The following SGCD variants were observed in gnomAD, a reference collection of about 807,000 sequenced individuals.
SGCD encodes the protein sarcoglycan delta.
SGCD carries 18 observed loss-of-function variants against 36.6 expected under a neutral mutation model. That is an observed-to-expected ratio of 0.49 (90% confidence interval 0.34 to 0.73). The LOEUF is 0.73. SGCD is among the 30% of genes least tolerant of loss of function. The probability of loss-of-function intolerance (pLI) is 0.01; values close to 1 mark genes in which losing one functional copy is unlikely to be tolerated. For missense variants in SGCD, 387 were observed against 346.7 expected, an observed-to-expected ratio of 1.12 and a Z score of -0.92; for synonymous variants, 133 against 130.6, an observed-to-expected ratio of 1.02 and a Z score of -0.12.
chr5:155,970,546 C>T (rs1757987873), intron 1 of SGCD, among the ~76,000 whole-genome samples: 1 of 151,936 alleles, frequency 6.6e-6, no homozygotes, highest in African/African-American at 2.4e-5. Flanking sequence ...TAAATAATTG[C>T]CATTATATTT....
At position 156,767,471 on chromosome 5, in the gene SGCD, G is replaced by T. The variant is rs1757613368; in HGVS notation, c.*8081G>T. The T allele has an allele frequency of 7.5e-6, 1 of 133,540 alleles. No individual in the cohort carries two copies. The highest frequency in any genetic ancestry group is 8.2e-5 in the Admixed American group (1 of 12,228). The allele number at this position is 133,540 out of a possible 1,614,324, so 8.3% of individuals were successfully genotyped here. On this transcript the variant is annotated 3_prime_UTR_variant, in exon 9 of 9. Transcript: ENST00000337851. ...TGGTGAGGTCATGGAAGTCCCATTT[G>T]CTTGGAGATTTTGAAAAAAAAAAAA...
chr5:156,458,269 A>G, intron 3 of SGCD: 2 of 657,064 alleles, frequency 3.0e-6, no homozygotes, highest in Non-Finnish European at 5.4e-6. Flanking sequence ...CATTTCAGTT[A>G]AATATTAGTC....
the SGCD span, among the ~76,000 whole-genome samples, chr5:155,750,853 C>T: frequency 6.6e-6 from 1 of 152,010 alleles, no homozygotes; most frequent in Admixed American, 6.6e-5. Context: ...TCATAACAGC[C>T]CTTACCCCCA....
At chr5:156,266,263 A>G (rs768340784) in intron 3 of SGCD, among the ~76,000 whole-genome samples, 9 of 152,222 alleles carry the variant, frequency 5.9e-5, no homozygotes, top group Admixed American at 1.3e-4. Context: ...GTTTTTCTTA[A>G]AAAAATCATT....
chr5:156,462,909 C>T (rs1354538282), intron 3 of SGCD, among the ~76,000 whole-genome samples: 1 of 152,100 alleles, frequency 6.6e-6, no homozygotes, highest in Non-Finnish European at 1.5e-5. Flanking sequence ...TGAACTTATG[C>T]AGACTTATGA....
Position 156,746,805 on chromosome 5 carries a change from A to C in SGCD, c.576-10776A>C, listed in dbSNP as rs947634043. On this transcript the variant is annotated intron_variant, in intron 7 of 8. Coordinates refer to ENST00000337851, the MANE Select transcript of SGCD (RefSeq NM_000337.6). Reference sequence around the variant, plus strand: ...ATATCTTTGTGACCTTGGGGTAGTCAATGGTTTATTAGACAAGGCACAAAA... The same window carrying C: ...ATATCTTTGTGACCTTGGGGTAGTCCATGGTTTATTAGACAAGGCACAAAA... Among the ~76,000 whole-genome samples the C allele has an allele frequency of 2.0e-5, 3 of 152,198 alleles. No individual in the cohort carries two copies. The South Asian group carries it at 6.2e-4, about 31-fold the overall frequency.
chr5:156,092,583 G>T (rs79047292), intron 1 of SGCD, among the ~76,000 whole-genome samples: 2,271 of 152,200 alleles, frequency 0.015, 42 homozygotes, highest in African/African-American at 0.046. Context: ...TGGTCTCTAA[G>T]GTTCTGTCTA....
At chr5:156,250,502 T>C (rs1185466723) in intron 3 of SGCD, among the ~76,000 whole-genome samples, 2 of 152,174 alleles carry the variant, frequency 1.3e-5, no homozygotes, top group African/African-American at 4.8e-5. Flanking sequence ...GTCCAGCTCC[T>C]GCCCTACCAC....
chr5:156,149,666 C>T (rs1232672322), intron 3 of SGCD, among the ~76,000 whole-genome samples: 2 of 151,718 alleles, frequency 1.3e-5, no homozygotes, highest in Non-Finnish European at 2.9e-5. Flanking sequence ...TAAGGGCTAG[C>T]TAGTGAAGGG....
At chr5:156,491,539 T>C (rs1252037610) in intron 3 of SGCD, among the ~76,000 whole-genome samples, 2 of 152,112 alleles carry the variant, frequency 1.3e-5, no homozygotes, top group Non-Finnish European at 2.9e-5. Flanking sequence ...GATCAGCGTA[T>C]TTGCAGCCAA....
chr5:156,482,827 T>G (rs1489332898), intron 3 of SGCD, among the ~76,000 whole-genome samples: 1 of 144,790 alleles, frequency 6.9e-6, no homozygotes, highest in African/African-American at 2.5e-5. Context: ...TTTTTTTTTT[T>G]TTTTTTTTTT....
chr5:156,732,516 A>AT (rs1438921537), intron 7 of SGCD, among the ~76,000 whole-genome samples: 6 of 152,010 alleles, frequency 3.9e-5, no homozygotes, highest in Non-Finnish European at 8.8e-5. Context: ...TTTATTGAGG[A>AT]TTTTTGCATC....
At chr5:156,211,777 A>G (rs1190101040) in intron 3 of SGCD, among the ~76,000 whole-genome samples, 1 of 152,152 alleles carries the variant, frequency 6.6e-6, no homozygotes, top group Non-Finnish European at 1.5e-5. Flanking sequence ...AAAAATTAGA[A>G]GACAAAATTA....
chr5:156,386,818 C>T (rs145557944), intron 3 of SGCD, among the ~76,000 whole-genome samples: 56 of 152,328 alleles, frequency 3.7e-4, no homozygotes, highest in South Asian at 3.5e-3. Context: ...TCAGCCCAAA[C>T]CATCTCAAGC....
At chr5:156,687,221 A>G (rs1242016201) in intron 7 of SGCD, among the ~76,000 whole-genome samples, 2 of 152,228 alleles carry the variant, frequency 1.3e-5, no homozygotes, top group Non-Finnish European at 2.9e-5. Flanking sequence ...ACCAAGCCAC[A>G]CAACAGTAGC....
At chr5:156,619,161 G>C (rs1762141535) in intron 6 of SGCD, among the ~76,000 whole-genome samples, 1 of 152,020 alleles carries the variant, frequency 6.6e-6, no homozygotes, top group Non-Finnish European at 1.5e-5. Flanking sequence ...GAGTAGCTGG[G>C]ACTACAGGCA....
intron 1 of SGCD, among the ~76,000 whole-genome samples, chr5:156,115,248 G>A (rs1254406714): frequency 1.3e-5 from 2 of 152,178 alleles, no homozygotes; most frequent in East Asian, 3.9e-4. Flanking sequence ...CACCCTGAGA[G>A]GAGGACTATT....
chr5:155,920,471 C>G (rs541008905), intron 1 of SGCD, among the ~76,000 whole-genome samples: 3 of 152,142 alleles, frequency 2.0e-5, no homozygotes, highest in African/African-American at 4.8e-5. Context: ...TGGAGACACA[C>G]TGAGCTGGGG....
chr5:156,260,877 A>G lies in SGCD; in HGVS notation c.-43-68657A>G, dbSNP rs796290077. 3.8e-4 allele frequency among the ~76,000 whole-genome samples: 58 copies of G among 152,204 alleles called. 1 individual carries two copies. The highest frequency in any genetic ancestry group is 1.3e-3 in the African/African-American group (55 of 41,582). ...CTATTTCTAGTTTGCTGAGAGTTTTATCATGAAGGATGTTAAATATTATGC... is the reference window on the plus strand; with the variant it reads ...CTATTTCTAGTTTGCTGAGAGTTTTGTCATGAAGGATGTTAAATATTATGC... On this transcript the variant is annotated intron_variant, in intron 3 of 9. Coordinates refer to the SGCD transcript ENST00000517913.
Sources: allele counts gnomAD v4.1 joint callset (sites outside exome capture counted in the v4.1 genomes callset), GRCh38; gene constraint gnomAD v4.1.1; transcripts MANE v1.5; gene names NCBI Gene and HGNC (gene_info 2026-07-23, HGNC 2026-07-21).